Variants in C3 observed in about 807,000 individuals in gnomAD.
C3 encodes complement C3.
C3 carries 97 observed loss-of-function variants against 207.9 expected under a neutral mutation model. That is an observed-to-expected ratio of 0.47 (90% CI 0.40 to 0.55). C3 has a LOEUF of 0.55. Among genes scored for constraint, C3 ranks in the 20% least tolerant of loss-of-function variants. C3 has a pLI of 0.00. For missense variants in C3, 1,684 were observed against 2,171.7 expected (o/e 0.78, Z 4.46); for synonymous variants, 848 against 857.6 (o/e 0.99, Z 0.20).
rs11569561 is a variant in C3 at position 6,678,860 on chromosome 19, C to A, written c.4630+265G>T. ...ACAACCACACAGCCTCACACAACCA[C>A]AGCCACACACAACTACAACCTCACA... On this transcript the variant is annotated intron_variant, in intron 38 of 40. Coordinates refer to ENST00000245907, the MANE Select transcript of C3 (RefSeq NM_000064.4). Among the ~76,000 whole-genome samples the A allele has an allele frequency of 0.18, 27,879 of 152,120 alleles. 3,140 individuals carry two copies. The highest frequency in any genetic ancestry group is 0.29 in the Admixed American group (4,453 of 15,280).
chr19:6,692,785 G>T, intron 26 of C3, 139 bp downstream of exon 26: 1 of 1,059,790 alleles, frequency 9.4e-7, no homozygotes. Flanking sequence ...TCATATATCT[G>T]CCTGCCCCCA....
At chr19:6,709,611 T>TGGCC in intron 14 of C3, 73 bp downstream of exon 14, 42 of 1,109,368 alleles carry the variant, frequency 3.8e-5, no homozygotes, top group Non-Finnish European at 4.9e-5. Context: ...CCCTCTCCAG[T>TGGCC]CCCACCCACC....
rs747968673 is a variant in C3, at chr19:6,711,033, C to A, written c.1433G>T (p.Arg478Leu). Reference sequence around the variant, plus strand: ...CTTGGCCTCGTGGGCGCGGTCCATTCGCAGGAGGAAGTTGACGTTGAGGGT... The same window carrying A: ...CTTGGCCTCGTGGGCGCGGTCCATTAGCAGGAGGAAGTTGACGTTGAGGGT... ...GETLNVNFLL[R>L]MDRAHEAKIR... Residue 478 changes from arginine to leucine, a missense_variant, in exon 12 of 41, where the codon CGA (arginine) becomes CTA (leucine). This residue lies in a region of C3 where 1,280 missense variants were observed against 1,739.1 expected (regional missense o/e 0.74). Coordinates refer to ENST00000245907, the MANE Select transcript of C3 (RefSeq NM_000064.4). The A allele has an allele frequency of 1.2e-5, 19 of 1,614,004 alleles. No homozygotes were observed. Among genetic ancestry groups the A allele is most frequent in the Admixed American group, 3.3e-5 (2 of 59,998 alleles).
chr19:6,681,922 G>C lies in C3; in HGVS notation c.4350+19C>G. ...GGGTGCCCCTGGAAGCCTCCCAGGG[G>C]AGGATGATGCAGCCTTACCTTGTCC... On this transcript the variant is annotated intron_variant, in intron 35 of 40. Coordinates refer to ENST00000245907, the MANE Select transcript of C3 (RefSeq NM_000064.4). 1 of 1,596,386 alleles carries C rather than the reference G, an allele frequency of 6.3e-7. No individual in the cohort carries two copies.
At position 6,691,055 on chromosome 19, in the gene C3, C is replaced by CTTTTTT. The variant is rs112828808; in HGVS notation, c.3391-334_3391-329dup. The stretch of plus-strand genomic sequence containing the variant: ...CATCCAGCTCCTCAAGAGATATACA[C>CTTTTTT]TTTTTTTTTTTTTTTTTGGGACAGT... On this transcript the variant is annotated intron_variant, in intron 26 of 40. Coordinates refer to ENST00000245907, the MANE Select transcript of C3 (RefSeq NM_000064.4). Among the ~76,000 whole-genome samples the CTTTTTT allele has an allele frequency of 1.3e-3, 176 of 131,742 alleles. 3 individuals are homozygous for CTTTTTT. The highest frequency in any genetic ancestry group is 1.7e-3 in the Non-Finnish European group (107 of 62,646). 86.4% of individuals were successfully genotyped at this position (131,742 alleles called of 152,430 possible). A position where few individuals can be genotyped will look rare whatever the true frequency, so the allele number is the denominator to read the frequency against.
chr19:6,682,754 A>G (rs368768914), intron 33 of C3: 6 of 176,398 alleles, frequency 3.4e-5, no homozygotes, highest in African/African-American at 1.4e-4. Flanking sequence ...GTGATTGGTC[A>G]CTGAGCTTCT....
At chr19:6,720,455 C>G (rs1968137756) in intron 1 of C3, 61 bp downstream of exon 1, 1 of 1,255,770 alleles carries the variant, frequency 8.0e-7, no homozygotes, top group Admixed American at 2.0e-5. Flanking sequence ...ACCTGGACCC[C>G]CAAATGTCTG....
chr19:6,683,746 C>T lies in C3; in HGVS notation c.4172+642G>A, dbSNP rs181127156. Among the ~76,000 whole-genome samples the T allele has an allele frequency of 2.3e-4, 35 of 152,262 alleles. 1 individual carries two copies. The East Asian group carries it at 4.4e-3, about 19-fold the overall frequency. ...GATTACAGGCGCGAGCCGCCACACCCGGCCATTTCCCTGTATCTTTATAAC... is the reference window on the plus strand; with the variant it reads ...GATTACAGGCGCGAGCCGCCACACCTGGCCATTTCCCTGTATCTTTATAAC... On this transcript the variant is annotated intron_variant, in intron 33 of 40. Coordinates refer to ENST00000245907, the MANE Select transcript of C3 (RefSeq NM_000064.4).
At position 6,711,121 on chromosome 19, in the gene C3, C is replaced by T. The variant is rs778633133; in HGVS notation, c.1345G>A (p.Val449Met). Residue 449 changes from valine to methionine, a missense_variant, in exon 12 of 41, where the codon GTG (valine) becomes ATG (methionine). Val to Met is a conservative substitution (Grantham distance 21). Around this residue, in one of 3 missense-constraint regions of C3, gnomAD observed 1,280 missense variants for 1,739.1 expected, o/e 0.74. Transcript: ENST00000245907. ...RTMQALPYSTVGNSNNYLHLS... is the reference protein window; with the variant it reads ...RTMQALPYSTMGNSNNYLHLS... ...TGCAGGTAATTGTTGGAGTTGCCCA[C>T]GGTGCTGTAGGGCAGAGCCTGCATG... 62 of 1,613,854 alleles carry T rather than the reference C, an allele frequency of 3.8e-5. No individual in the cohort carries two copies. The highest frequency in any genetic ancestry group is 5.1e-5 in the Non-Finnish European group (60 of 1,179,930).
intron 2 of C3, 57 bp from the exon 3 acceptor site, chr19:6,718,469 C>T: frequency 6.2e-7 from 1 of 1,601,866 alleles, no homozygotes; most frequent in Non-Finnish European, 8.6e-7. Context: ...GCCCACGGTC[C>T]AGCTTCCGGA....
At chr19:6,713,657 A>G in intron 7 of C3, 148 bp from the exon 8 acceptor site, 1 of 195,134 alleles carries the variant, frequency 5.1e-6, no homozygotes, top group East Asian at 9.3e-5. Flanking sequence ...ACCTGGCCCC[A>G]CCCCCAGCCC....
At position 6,707,902 on chromosome 19, in the gene C3, T is replaced by G; in HGVS notation, c.1873A>C (p.Ile625Leu). 6.2e-7 allele frequency: 1 copy of G among 1,613,992 alleles called. No individual in the cohort carries two copies. Among genetic ancestry groups the G allele is most frequent in the South Asian group, 1.1e-5 (1 of 91,082 alleles). ...TTCCCACTGCCCGGGGTGCAGCCGATGTCTGCCTTCTCCACCACGTCCCAG... is the reference window on the plus strand; with the variant it reads ...TTCCCACTGCCCGGGGTGCAGCCGAGGTCTGCCTTCTCCACCACGTCCCAG... ...KIWDVVEKADIGCTPGSGKDY... is the reference protein window; with the variant it reads ...KIWDVVEKADLGCTPGSGKDY... The change falls in exon 15 of 41, where the codon ATC becomes CTC. Residue 625 changes from isoleucine to leucine, a missense_variant. Around this residue, in one of 3 missense-constraint regions of C3, gnomAD observed 1,280 missense variants for 1,739.1 expected, o/e 0.74. Coordinates refer to ENST00000245907, the MANE Select transcript of C3 (RefSeq NM_000064.4).
chr19:6,682,267 AG>A, intron 33 of C3, 38 bp from the exon 34 acceptor site: 2 of 1,530,928 alleles, frequency 1.3e-6, no homozygotes, highest in Non-Finnish European at 1.8e-6. Flanking sequence ...GGTCCCAAGG[AG>A]GGGTCAGCCC....
chr19:6,714,108 G>A, intron 6 of C3, 26 bp from the exon 7 acceptor site: 2 of 1,609,906 alleles, frequency 1.2e-6, no homozygotes, highest in Non-Finnish European at 1.7e-6. Context: ...CGTTGGTGGG[G>A]CCGGCGCTGG....
Position 6,718,306 on chromosome 19 carries a change from A to G in C3, c.374T>C (p.Leu125Pro). The change falls in exon 3 of 41, where the codon CTG becomes CCG. Residue 125 changes from leucine to proline, a missense_variant. By Grantham distance (98) the Leu-to-Pro change is moderately conservative. Coordinates refer to ENST00000245907, the MANE Select transcript of C3 (RefSeq NM_000064.4). ...QVVEKVVLVS[L>P]QSGYLFIQTD... ...CTGGATGAAGAGGTACCCGCTCTGC[A>G]GGCTGACCAGCACCACCTTCTCCAC... 1 of 1,614,228 alleles carries G rather than the reference A, an allele frequency of 6.2e-7. No homozygotes were observed. The highest frequency in any genetic ancestry group is 8.5e-7 in the Non-Finnish European group (1 of 1,180,038).
intron 9 of C3, 143 bp from the exon 10 acceptor site, chr19:6,712,766 G>T (rs1052042389): frequency 2.3e-5 from 17 of 746,506 alleles, no homozygotes; most frequent in Non-Finnish European, 3.5e-5. Flanking sequence ...CCCCCCATCA[G>T]ACTGGACTCC....
intron 3 of C3, 39 bp from the exon 4 acceptor site, chr19:6,718,203 G>A: frequency 6.2e-7 from 1 of 1,613,936 alleles, no homozygotes; most frequent in Non-Finnish European, 8.5e-7. Context: ...ACCCTAGCCC[G>A]CCCACGCCGG....
intron 19 of C3, among the ~76,000 whole-genome samples, chr19:6,700,113 G>T (rs1389556240): frequency 7.0e-6 from 1 of 143,304 alleles, no homozygotes; most frequent in South Asian, 2.2e-4. Flanking sequence ...ATGAATTATG[G>T]TTTATTATAA....
intron 4 of C3, chr19:6,716,437 T>G (rs1019380486): frequency 6.6e-6 from 1 of 151,598 alleles, no homozygotes; most frequent in Non-Finnish European, 1.5e-5. Flanking sequence ...GGTCTGGCTG[T>G]GTTGCCCAGG....
Sources: gnomAD v4.1 joint callset for allele counts (sites outside exome capture counted in the v4.1 genomes callset) on GRCh38, gnomAD v4.1.1 for gene constraint, gnomAD v4.1.1 regional missense constraint, MANE v1.5 for transcripts, NCBI Gene and HGNC (gene_info 2026-07-23, HGNC 2026-07-21) for gene names.